DYNLRB1: variants seen among roughly 807,000 people sequenced by gnomAD.
DYNLRB1 encodes ROBL/LC7-like 1.
Under a neutral mutation model 13.5 loss-of-function variants are expected in DYNLRB1, and 6 were observed. That is an observed-to-expected ratio of 0.44 (90% CI 0.24 to 0.88). DYNLRB1 has a LOEUF of 0.88. DYNLRB1 is among the 40% of genes least tolerant of loss of function. DYNLRB1 has a pLI of 0.21. For synonymous variants in DYNLRB1, 43 were observed against 45.0 expected, an observed-to-expected ratio of 0.96 and a Z score of 0.18; for missense variants, 93 against 127.2, an observed-to-expected ratio of 0.73 and a Z score of 1.29.
intron 2 of DYNLRB1, among the ~76,000 whole-genome samples, chr20:34,527,591 G>A (rs562519812): frequency 2.0e-5 from 3 of 152,146 alleles, no homozygotes; most frequent in Non-Finnish European, 4.4e-5. Flanking sequence ...TCACCCGGGG[G>A]TCCTGTTAAA....
At chr20:34,524,786 C>T (rs956522906) in intron 1 of DYNLRB1, among the ~76,000 whole-genome samples, 6 of 149,932 alleles carry the variant, frequency 4.0e-5, no homozygotes, top group Admixed American at 6.7e-5. Context: ...TGCAGTGGTG[C>T]GATCTCGGCT....
chr20:34,517,157 C>T (rs1273071757), intron 1 of DYNLRB1, among the ~76,000 whole-genome samples: 1 of 152,128 alleles, frequency 6.6e-6, no homozygotes, highest in Non-Finnish European at 1.5e-5. Context: ...GTAATCCTCA[C>T]AGCTTGGGCA....
intron 1 of DYNLRB1, among the ~76,000 whole-genome samples, chr20:34,521,242 C>T (rs1215250472): frequency 6.6e-6 from 1 of 152,162 alleles, no homozygotes; most frequent in Non-Finnish European, 1.5e-5. Context: ...AAACTCCTGA[C>T]CTCAAGTGAT....
chr20:34,529,283 G>T (rs545411227), intron 2 of DYNLRB1, among the ~76,000 whole-genome samples: 1 of 152,378 alleles, frequency 6.6e-6, no homozygotes, highest in African/African-American at 2.4e-5. Flanking sequence ...TATTCAGTGG[G>T]CTCTAATTTG....
chr20:34,518,892 CT>C (rs538129814), intron 1 of DYNLRB1, among the ~76,000 whole-genome samples: 166 of 145,982 alleles, frequency 1.1e-3, no homozygotes, highest in Middle Eastern at 3.5e-3. Flanking sequence ...CCTAGTTTAA[CT>C]TTTTTTTTTT....
chr20:34,540,712 C>G lies in DYNLRB1; in HGVS notation c.*88C>G. ...ATCATGTCAGTGGACTAGCACATGG[C>G]AGTCGCTTGGAACCCACTCACACCA... On this transcript the variant is annotated 3_prime_UTR_variant, in exon 4 of 4. Coordinates refer to ENST00000357156, the MANE Select transcript of DYNLRB1 (RefSeq NM_014183.4). 2.8e-6 allele frequency: 4 copies of G among 1,407,896 alleles called. No individual in the cohort carries two copies. The highest frequency in any genetic ancestry group is 4.0e-6 in the Non-Finnish European group (4 of 1,003,964). 87.2% of individuals were successfully genotyped at this position (1,407,896 alleles called of 1,614,324 possible).
At chr20:34,526,487 T>A in intron 2 of DYNLRB1, 144 bp downstream of exon 2, 75 of 416,234 alleles carry the variant, frequency 1.8e-4, no homozygotes, top group Middle Eastern at 5.1e-4. Context: ...CCAGTGTTCT[T>A]TTTTTTTTTT....
chr20:34,516,694 C>A (rs768217135), intron 1 of DYNLRB1: 1 of 1,505,606 alleles, frequency 6.6e-7, no homozygotes, highest in Non-Finnish European at 8.9e-7. Context: ...GAAGCGGGAG[C>A]CCAGCCTCGG....
At chr20:34,516,668 C>A in intron 1 of DYNLRB1, 2 of 1,475,440 alleles carry the variant, frequency 1.4e-6, no homozygotes, top group Non-Finnish European at 1.8e-6. Flanking sequence ...CGCCGGATCC[C>A]GCTGCCCCTT....
chr20:34,526,638 C>T (rs1307946305), intron 2 of DYNLRB1: 1 of 395,980 alleles, frequency 2.5e-6, no homozygotes, highest in Non-Finnish European at 4.7e-6. Context: ...GGAAAATCCG[C>T]TCAATCCCAC....
intron 1 of DYNLRB1, chr20:34,516,674 C>T (rs924587744): frequency 6.7e-7 from 1 of 1,485,524 alleles, no homozygotes; most frequent in South Asian, 1.3e-5. Flanking sequence ...ATCCCGCTGC[C>T]CCTTGACCGG....
At chr20:34,534,905 G>A (rs567752222) in intron 3 of DYNLRB1, 110 bp downstream of exon 3, 24 of 1,566,288 alleles carry the variant, frequency 1.5e-5, no homozygotes, top group South Asian at 9.4e-5. Flanking sequence ...AGCAGGGCCC[G>A]AGGAGTTGAA....
Position 34,520,181 on chromosome 20 carries a change from T to C in DYNLRB1, c.3+3720T>C, listed in dbSNP as rs552874140. On this transcript the variant is annotated intron_variant, in intron 1 of 3. Coordinates refer to ENST00000357156, the MANE Select transcript of DYNLRB1 (RefSeq NM_014183.4). ...ATCACATATAATTCTCCTCGTCCAG[T>C]TTCACTGTGCCACATAACTATTTTC... Among the ~76,000 whole-genome samples, 3 of 152,304 alleles carry C rather than the reference T, an allele frequency of 2.0e-5. No individual in the cohort carries two copies. In the South Asian group the frequency reaches 6.2e-4, roughly 32 times the overall value.
At chr20:34,540,318 CGTG>C (rs1981479537) in intron 3 of DYNLRB1, among the ~76,000 whole-genome samples, 1 of 152,170 alleles carries the variant, frequency 6.6e-6, no homozygotes, top group East Asian at 1.9e-4. Flanking sequence ...CTGCCACTGT[CGTG>C]GGGAGGATTA....
rs148965286 is a variant in DYNLRB1, at chr20:34,519,471, G to A, written c.3+3010G>A. On this transcript the variant is annotated intron_variant, in intron 1 of 3. Transcript: ENST00000357156. ...CAGGAGGTCAAGGCTACAGTGAGCC[G>A]TGACTGCACCACTGCACTCCACCCT... is the stretch of plus-strand genomic sequence containing the variant. Among the ~76,000 whole-genome samples the A allele has an allele frequency of 4.5e-3, 678 of 152,250 alleles. 21 individuals are homozygous for A. The highest frequency in any genetic ancestry group is 0.033 in the Admixed American group (509 of 15,290).
At chr20:34,539,107 C>T (rs980465490) in intron 3 of DYNLRB1, among the ~76,000 whole-genome samples, 3 of 152,200 alleles carry the variant, frequency 2.0e-5, no homozygotes, top group Admixed American at 1.3e-4. Flanking sequence ...AATTAACAAG[C>T]CACTGATAAA....
At chr20:34,535,116 G>C (rs1409746472) in intron 3 of DYNLRB1, 8 of 984,798 alleles carry the variant, frequency 8.1e-6, no homozygotes, top group Non-Finnish European at 9.6e-6. Flanking sequence ...AGGCCTGTCT[G>C]GGGCTGTCTG....
At chr20:34,537,752 CT>C (rs1489615708) in intron 3 of DYNLRB1, among the ~76,000 whole-genome samples, 3 of 152,172 alleles carry the variant, frequency 2.0e-5, no homozygotes, top group South Asian at 2.1e-4. Flanking sequence ...GGCCTGGCTG[CT>C]GCTGGAAGTG....
chr20:34,534,589 GC>G (rs1260558719), intron 2 of DYNLRB1, 38 bp from the exon 3 acceptor site: 1 of 1,522,892 alleles, frequency 6.6e-7, no homozygotes. Context: ...GGCAGAAGGG[GC>G]TCCACATCCT....
Sources: gnomAD v4.1 joint callset for allele counts (sites outside exome capture counted in the v4.1 genomes callset) on GRCh38, gnomAD v4.1.1 for gene constraint, MANE v1.5 for transcripts, NCBI Gene and HGNC (gene_info 2026-07-23, HGNC 2026-07-21) for gene names.